ERAP1: variants seen among roughly 807,000 people sequenced by gnomAD.
ERAP1 encodes the protein endoplasmic reticulum aminopeptidase 1, also known as adipocyte-derived leucine aminopeptidase.
A neutral mutation model predicts 103.7 loss-of-function variants in ERAP1; 86 were observed. The ratio of observed to expected loss-of-function variants is 0.83; its 90% CI spans 0.70 to 0.99. The LOEUF (loss-of-function observed/expected upper bound fraction) is 0.99, where lower values mean the gene tolerates loss of function less well. ERAP1 is among the 50% of genes least tolerant of loss of function. The pLI, the probability that ERAP1 is intolerant of heterozygous loss-of-function variation, is 0.00. For synonymous variants in ERAP1, 398 were observed against 402.4 expected (o/e 0.99, Z 0.13); for missense variants, 1,009 against 1,128.4 (o/e 0.89, Z 1.52).
the ERAP1 span, among the ~76,000 whole-genome samples, chr5:96,862,847 G>C: frequency 6.6e-6 from 1 of 151,992 alleles, no homozygotes; most frequent in African/African-American, 2.4e-5. Flanking sequence ...ACCATTCTCT[G>C]GGCCCATCCC....
chr5:96,889,044 C>G, the ERAP1 span: 18 of 987,040 alleles, frequency 1.8e-5, no homozygotes, highest in African/African-American at 2.8e-4. Context: ...AACCTCTTAT[C>G]CTTATTGACA....
At chr5:96,888,275 T>C in the ERAP1 span, among the ~76,000 whole-genome samples, 762 of 152,332 alleles carry the variant, frequency 5.0e-3, 3 homozygotes, top group Non-Finnish European at 8.1e-3. Flanking sequence ...ACCTCTGCAC[T>C]TAGACATGGA....
At chr5:96,803,037 G>T (rs572074694) in intron 2 of ERAP1, among the ~76,000 whole-genome samples, 73 of 152,178 alleles carry the variant, frequency 4.8e-4, no homozygotes, top group Non-Finnish European at 8.5e-4. Flanking sequence ...CCAGACCTGA[G>T]AGAGAATACA....
the ERAP1 span, chr5:96,873,365 C>T: frequency 2.2e-6 from 1 of 456,194 alleles, no homozygotes; most frequent in South Asian, 1.5e-5. Context: ...GGTCCATTGC[C>T]TGAAGTTGAT....
Position 96,793,914 on chromosome 5 carries a change from G to C in ERAP1, c.963C>G (p.Asn321Lys), listed in dbSNP as rs147839365. Residue 321 changes from asparagine (N) to lysine (K), a missense_variant, in exon 6 of 19, where the codon AAC becomes AAG. Physicochemically the swap from Asn to Lys is moderately conservative, Grantham distance 94 (BLOSUM62 0). This residue lies in a region of ERAP1 where 392 missense variants were observed against 455.2 expected (regional missense o/e 0.86). Transcript: ENST00000443439. ...ATTCTCTATATGTTGTCAGTCCCCAGTTTTCCATAGCACCAGACTGAAAGT... is the reference window on the plus strand; with the variant it reads ...ATTCTCTATATGTTGTCAGTCCCCACTTTTCCATAGCACCAGACTGAAAGT... ...IPDFQSGAME[N>K]WGLTTYRESA... 3.0e-5 allele frequency: 48 copies of C among 1,614,020 alleles called. No individual in the cohort carries two copies. The highest frequency in any genetic ancestry group is 3.9e-5 in the Non-Finnish European group (46 of 1,179,988).
At chr5:96,862,395 GTAAA>G in the ERAP1 span, among the ~76,000 whole-genome samples, 1 of 152,192 alleles carries the variant, frequency 6.6e-6, no homozygotes, top group South Asian at 2.1e-4. Flanking sequence ...AAATAATCAT[GTAAA>G]TAAATAAATA....
chr5:96,814,368 C>A, the ERAP1 span: 1 of 455,532 alleles, frequency 2.2e-6, no homozygotes, highest in East Asian at 7.0e-5. Context: ...ATCATGGGGG[C>A]AACTTAGATT....
chr5:96,771,571 A>G (rs1772332541), downstream of ERAP1: 2 of 1,143,136 alleles, frequency 1.7e-6, no homozygotes, highest in Non-Finnish European at 2.6e-6. Context: ...TTGTCCCCTA[A>G]TTCTGAGAAG....
At chr5:96,875,520 A>AGT in the ERAP1 span, among the ~76,000 whole-genome samples, 2 of 147,012 alleles carry the variant, frequency 1.4e-5, no homozygotes, top group African/African-American at 5.1e-5. Flanking sequence ...TGGGTGACAG[A>AGT]GTGAGACCCT....
chr5:96,830,572 C>T, the ERAP1 span, among the ~76,000 whole-genome samples: 3 of 152,154 alleles, frequency 2.0e-5, no homozygotes, highest in African/African-American at 7.2e-5. Context: ...AAAAAATGAA[C>T]ATTGCTACAT....
intron 15 of ERAP1, 102 bp from the exon 16 acceptor site, chr5:96,781,956 G>T: frequency 9.0e-7 from 1 of 1,112,982 alleles, no homozygotes. Flanking sequence ...CCCATGATCA[G>T]AGAAGCATGC....
In ERAP1 at chr5:96,797,329, A is replaced by ACT; in HGVS notation, c.664-21_664-20insAG. ...TTTCACCTAAAATCAGAATAATTCA[A>ACT]ATTATCAAGTAATCCAATTATCCAA... On this transcript the variant is annotated intron_variant, in intron 3 of 18. Coordinates refer to ENST00000443439, the MANE Select transcript of ERAP1 (RefSeq NM_001040458.3). 1 of 1,599,072 alleles carries ACT rather than the reference A, an allele frequency of 6.3e-7. No homozygotes were observed.
At chr5:96,828,200 C>T in the ERAP1 span, among the ~76,000 whole-genome samples, 9 of 152,254 alleles carry the variant, frequency 5.9e-5, no homozygotes, top group South Asian at 1.9e-3. Flanking sequence ...TTCTGATTTT[C>T]TATTTATTAC....
At position 96,793,714 on chromosome 5, in the gene ERAP1, A is replaced by G. The variant is rs190040077; in HGVS notation, c.1074+89T>C. On this transcript the variant is annotated intron_variant, in intron 6 of 18. Transcript: ENST00000443439. ...AATTTTTCCTATTAAAAAAAGACAA[A>G]GTAAAAATTATATAAATAGCCTTAT... The G allele has an allele frequency of 2.0e-3, 2,560 of 1,312,542 alleles. 5 individuals carry two copies. The highest frequency in any genetic ancestry group is 2.3e-3 in the Non-Finnish European group (2,188 of 959,572). The allele number at this position is 1,312,542 out of a possible 1,614,324, so 81.3% of individuals were successfully genotyped here. A position where few individuals can be genotyped will look rare whatever the true frequency, so the allele number is the denominator to read the frequency against.
the ERAP1 span, among the ~76,000 whole-genome samples, chr5:96,826,463 T>C: frequency 6.6e-6 from 1 of 152,178 alleles, no homozygotes; most frequent in South Asian, 2.1e-4. Flanking sequence ...TTAGGAAAAG[T>C]AAGAAAGAAG....
upstream of ERAP1, among the ~76,000 whole-genome samples, chr5:96,810,315 T>C (rs1449206960): frequency 6.6e-6 from 1 of 152,104 alleles, no homozygotes; most frequent in Non-Finnish European, 1.5e-5. Context: ...TTACCGAGCT[T>C]AGAAATGGTT....
intron 5 of ERAP1, among the ~76,000 whole-genome samples, chr5:96,794,438 C>A (rs564822316): frequency 5.3e-5 from 8 of 152,188 alleles, no homozygotes; most frequent in Non-Finnish European, 1.0e-4. Context: ...AATCCACCTG[C>A]CTGGGCCTCC....
chr5:96,897,896 A>G, the ERAP1 span, among the ~76,000 whole-genome samples: 1 of 152,224 alleles, frequency 6.6e-6, no homozygotes, highest in Non-Finnish European at 1.5e-5. Flanking sequence ...AGCAGTTTAC[A>G]GTTTAAAGAC....
At chr5:96,771,696 G>C (rs1772404122), downstream of ERAP1, 5 of 1,604,034 alleles carry the variant, frequency 3.1e-6, no homozygotes, top group Admixed American at 1.7e-5. Flanking sequence ...ACAAGTTAAG[G>C]TATCTGGTAA....
Sources: gnomAD v4.1 joint callset for allele counts (sites outside exome capture counted in the v4.1 genomes callset) on GRCh38, gnomAD v4.1.1 for gene constraint, gnomAD v4.1.1 regional missense constraint, MANE v1.5 for transcripts, NCBI Gene and HGNC (gene_info 2026-07-23, HGNC 2026-07-21) for gene names.